The following EPHA6 variants were observed in gnomAD, a reference collection of about 807,000 sequenced individuals.
The protein encoded by EPHA6 is EPH receptor A6, also known as ephrin type-A receptor 6.
A neutral mutation model predicts 112.0 loss-of-function variants in EPHA6; 50 were observed. The ratio of observed to expected loss-of-function variants is 0.45; its 90% confidence interval spans 0.36 to 0.56. The LOEUF (loss-of-function observed/expected upper bound fraction) is 0.56. EPHA6 is among the 20% of genes least tolerant of loss of function. EPHA6 has a pLI of 0.00. For synonymous variants in EPHA6, 529 were observed against 490.7 expected, an observed-to-expected ratio of 1.08 and a Z score of -1.03; for missense variants, 1,280 against 1,417.4, an observed-to-expected ratio of 0.90 and a Z score of 1.56.
In EPHA6 at chr3:96,987,439, C is replaced by A; in HGVS notation, c.560C>A (p.Ser187Tyr). 6.2e-7 allele frequency: 1 copy of A among 1,613,874 alleles called. No individual in the cohort carries two copies. Among genetic ancestry groups the A allele is most frequent in the Non-Finnish European group, 8.5e-7 (1 of 1,179,860 alleles). ...AACTGGCTTCGTACAAACTGGATCT[C>A]CCGTGATGCAGCTCAGAAAATTTAT... ...QNNWLRTNWI[S>Y]RDAAQKIYVE... Residue 187 changes from serine to tyrosine, a missense_variant, in exon 3 of 18, where the codon TCC becomes TAC. Transcript: ENST00000389672.
chr3:96,992,458 C>A (rs918713880), intron 3 of EPHA6, among the ~76,000 whole-genome samples: 3 of 152,178 alleles, frequency 2.0e-5, no homozygotes, highest in Non-Finnish European at 4.4e-5. Flanking sequence ...GTCACTCATG[C>A]AACTGCAGTT....
intron 5 of EPHA6, among the ~76,000 whole-genome samples, chr3:97,364,094 C>A (rs2084569639): frequency 6.6e-6 from 1 of 151,846 alleles, no homozygotes; most frequent in Non-Finnish European, 1.5e-5. Context: ...GTGATGGCTA[C>A]ATAGTAGTAT....
At chr3:97,092,172 G>A (rs74876692) in intron 3 of EPHA6, among the ~76,000 whole-genome samples, 1 of 150,612 alleles carries the variant, frequency 6.6e-6, no homozygotes, top group Non-Finnish European at 1.5e-5. Flanking sequence ...CGTTTTCCCT[G>A]GGAAAGCACA....
At chr3:97,060,447 A>G (rs1051626259) in intron 3 of EPHA6, among the ~76,000 whole-genome samples, 3 of 152,184 alleles carry the variant, frequency 2.0e-5, no homozygotes, top group African/African-American at 7.2e-5. Flanking sequence ...CTTTTAATTA[A>G]CAACCATGCT....
chr3:97,484,151 G>A (rs1325647404), intron 10 of EPHA6, 92 bp downstream of exon 10: 17 of 1,281,736 alleles, frequency 1.3e-5, no homozygotes, highest in Non-Finnish European at 1.7e-5. Flanking sequence ...TGGCAGTTTT[G>A]GTCATTGAAA....
At chr3:97,585,495 C>T (rs923335135) in intron 11 of EPHA6, among the ~76,000 whole-genome samples, 3 of 152,038 alleles carry the variant, frequency 2.0e-5, no homozygotes, top group African/African-American at 7.2e-5. Context: ...AAAGAAATAC[C>T]TCATAAAAAT....
chr3:97,437,515 GTTGCTAAGT>G (rs572643899), intron 6 of EPHA6, among the ~76,000 whole-genome samples: 28 of 152,200 alleles, frequency 1.8e-4, no homozygotes, highest in African/African-American at 6.0e-4. Context: ...AGTGGCATTT[GTTGCTAAGT>G]TATGCTAACT....
chr3:97,202,492 C>T (rs1360919522), intron 3 of EPHA6, among the ~76,000 whole-genome samples: 4 of 151,836 alleles, frequency 2.6e-5, no homozygotes, highest in South Asian at 2.1e-4. Flanking sequence ...CCTCCATGCC[C>T]GGCTAGGTTT....
intron 5 of EPHA6, among the ~76,000 whole-genome samples, chr3:97,281,598 T>A (rs952696570): frequency 3.3e-5 from 5 of 152,148 alleles, no homozygotes; most frequent in African/African-American, 4.8e-5. Flanking sequence ...CTGAAGGGAT[T>A]ATAACACAAT....
At chr3:97,198,888 G>T (rs746539819) in intron 3 of EPHA6, among the ~76,000 whole-genome samples, 8 of 152,064 alleles carry the variant, frequency 5.3e-5, no homozygotes, top group Non-Finnish European at 1.2e-4. Context: ...ATATATAATT[G>T]CCTTCCATGA....
In EPHA6 at chr3:97,683,010, C is replaced by A. The variant is rs1307809892; in HGVS notation, c.2785-37251C>A. ...AACGAAAACCTTCCTATTTTGAGTT[C>A]ATTCTAAGATTTACAGAAAATTTTA... On this transcript the variant is annotated intron_variant, in intron 14 of 17. Transcript: ENST00000389672. 2.0e-5 allele frequency among the ~76,000 whole-genome samples: 3 copies of A among 152,138 alleles called. 1 individual carries two copies. The highest frequency in any genetic ancestry group is 4.8e-5 in the African/African-American group (2 of 41,450).
intron 3 of EPHA6, among the ~76,000 whole-genome samples, chr3:97,222,015 C>A (rs1165595150): frequency 4.7e-5 from 7 of 148,330 alleles, no homozygotes; most frequent in Non-Finnish European, 8.9e-5. Context: ...ACAACAGAGC[C>A]AGACCCCTTC....
chr3:97,445,828 A>G (rs1012777169), intron 6 of EPHA6, among the ~76,000 whole-genome samples: 1 of 152,096 alleles, frequency 6.6e-6, no homozygotes, highest in Non-Finnish European at 1.5e-5. Context: ...TCACACATTC[A>G]GCAAAGATGA....
At chr3:97,309,920 A>G (rs1445011728) in intron 5 of EPHA6, among the ~76,000 whole-genome samples, 9 of 151,778 alleles carry the variant, frequency 5.9e-5, no homozygotes, top group Non-Finnish European at 5.9e-5. Context: ...AGTAACCACT[A>G]TAAGTCACTG....
chr3:97,682,049 A>G (rs1268144804), intron 14 of EPHA6, among the ~76,000 whole-genome samples: 1 of 152,132 alleles, frequency 6.6e-6, no homozygotes, highest in African/African-American at 2.4e-5. Context: ...CTGATTAAAG[A>G]GATATAAGCA....
intron 6 of EPHA6, among the ~76,000 whole-genome samples, chr3:97,412,994 TCTTTTCTTTG>T (rs2087838809): frequency 6.6e-6 from 1 of 151,938 alleles, no homozygotes; most frequent in African/African-American, 2.4e-5. Context: ...TTAGTATTTT[TCTTTTCTTTG>T]CTTTTCTTTT....
At position 97,639,729 on chromosome 3, in the gene EPHA6, C is replaced by T. The variant is rs533641933; in HGVS notation, c.2784+1647C>T. On this transcript the variant is annotated intron_variant, in intron 14 of 17. Transcript: ENST00000389672. ...AGTTTTGTTACATCAAATTTAACAACCAGACTCTTGGCATTTTCTGTCTTA... is the reference window on the plus strand; with the variant it reads ...AGTTTTGTTACATCAAATTTAACAATCAGACTCTTGGCATTTTCTGTCTTA... Among the ~76,000 whole-genome samples, 7 of 152,182 alleles carry T rather than the reference C, an allele frequency of 4.6e-5. No homozygotes were observed. The East Asian group carries it at 1.4e-3, about 29-fold the overall frequency.
intron 5 of EPHA6, among the ~76,000 whole-genome samples, chr3:97,292,701 G>A (rs1431902992): frequency 1.3e-5 from 2 of 151,936 alleles, no homozygotes; most frequent in African/African-American, 4.8e-5. Context: ...CAGGGGAGAG[G>A]AGACCCGTGG....
At chr3:97,566,491 A>T (rs1426871350) in intron 11 of EPHA6, among the ~76,000 whole-genome samples, 1 of 152,238 alleles carries the variant, frequency 6.6e-6, no homozygotes, top group Non-Finnish European at 1.5e-5. Flanking sequence ...CTAGGATTGT[A>T]TGAGTAGTGC....
Sources: allele counts gnomAD v4.1 joint callset (sites outside exome capture counted in the v4.1 genomes callset), GRCh38; gene constraint gnomAD v4.1.1; transcripts MANE v1.5; gene names NCBI Gene and HGNC (gene_info 2026-07-23, HGNC 2026-07-21).